The following SLC36A1 variants were observed in gnomAD, a reference collection of about 807,000 sequenced individuals.
SLC36A1 encodes the protein solute carrier family 36 member 1, also known as proton-coupled amino acid transporter 1.
A neutral mutation model predicts 47.5 loss-of-function variants in SLC36A1; 30 were observed. That is an observed-to-expected ratio of 0.63 (90% CI 0.47 to 0.86). The LOEUF is 0.86. Among genes scored for constraint, SLC36A1 ranks in the 40% least tolerant of loss-of-function variants. SLC36A1 has a pLI of 0.00. For missense variants in SLC36A1, 517 were observed against 606.0 expected (o/e 0.85, Z 1.54); for synonymous variants, 255 against 249.7 (o/e 1.02, Z -0.20).
At chr5:151,527,979 C>T in the SLC36A1 span, 5 of 1,613,028 alleles carry the variant, frequency 3.1e-6, no homozygotes, top group African/African-American at 5.3e-5. Flanking sequence ...AGGGTGCGCC[C>T]CTCCCACATG....
At chr5:151,345,089 A>G in the SLC36A1 span, among the ~76,000 whole-genome samples, 1 of 152,204 alleles carries the variant, frequency 6.6e-6, no homozygotes, top group Non-Finnish European at 1.5e-5. Flanking sequence ...CAAAGTCTAA[A>G]CCATCAGGAG....
chr5:151,420,940 T>C, the SLC36A1 span, among the ~76,000 whole-genome samples: 8 of 150,616 alleles, frequency 5.3e-5, no homozygotes. Context: ...GCACGATCTC[T>C]GTGCATTGCA....
the SLC36A1 span, chr5:151,532,050 G>T: frequency 6.4e-7 from 1 of 1,550,642 alleles, no homozygotes; most frequent in South Asian, 1.2e-5. Flanking sequence ...GCAGCCACAG[G>T]AGGGGCTGGG....
At chr5:151,344,706 G>A in the SLC36A1 span, among the ~76,000 whole-genome samples, 2 of 152,158 alleles carry the variant, frequency 1.3e-5, no homozygotes, top group South Asian at 4.1e-4. Context: ...CTTCTGCTGA[G>A]CTGCCTCCCA....
intron 1 of SLC36A1, among the ~76,000 whole-genome samples, chr5:151,454,461 T>C (rs182225203): frequency 1.3e-5 from 2 of 152,220 alleles, no homozygotes; most frequent in Admixed American, 6.5e-5. Flanking sequence ...GGGGAGTGGC[T>C]CTGCCCACTG....
the SLC36A1 span, among the ~76,000 whole-genome samples, chr5:151,514,153 A>G: frequency 6.6e-6 from 1 of 152,208 alleles, no homozygotes; most frequent in Admixed American, 6.5e-5. Flanking sequence ...AATACTACCT[A>G]TACCTTTATT....
intron 1 of SLC36A1, among the ~76,000 whole-genome samples, chr5:151,452,180 C>T (rs921404678): frequency 1.3e-5 from 2 of 152,200 alleles, no homozygotes; most frequent in African/African-American, 4.8e-5. Flanking sequence ...CAGACTCCTA[C>T]AGGAAAAAGT....
chr5:151,469,226 AT>A, intron 7 of SLC36A1: 1 of 700,132 alleles, frequency 1.4e-6, no homozygotes, highest in Non-Finnish European at 2.6e-6. Context: ...GCTGTATGTG[AT>A]TGGTCTGTCT....
At chr5:151,528,240 C>T in the SLC36A1 span, 7 of 1,376,624 alleles carry the variant, frequency 5.1e-6, no homozygotes, top group Non-Finnish European at 7.0e-6. Context: ...TTTGGGCTAG[C>T]AGTGCCTGGA....
chr5:151,498,313 CA>C, the SLC36A1 span, among the ~76,000 whole-genome samples: 3 of 152,182 alleles, frequency 2.0e-5, no homozygotes, highest in African/African-American at 7.2e-5. Flanking sequence ...GGATACTACA[CA>C]ATGAGCTGCT....
upstream of SLC36A1, among the ~76,000 whole-genome samples, chr5:151,444,906 T>C (rs1411319505): frequency 6.6e-6 from 1 of 152,254 alleles, no homozygotes; most frequent in East Asian, 1.9e-4. Context: ...ATAATTTTAC[T>C]TTTTTCTTTC....
At chr5:151,391,354 C>T in the SLC36A1 span, among the ~76,000 whole-genome samples, 1 of 152,180 alleles carries the variant, frequency 6.6e-6, no homozygotes, top group African/African-American at 2.4e-5. Context: ...CAAACAGGGA[C>T]AATTTGACTT....
chr5:151,525,811 C>T, the SLC36A1 span: 2 of 1,614,168 alleles, frequency 1.2e-6, no homozygotes, highest in Non-Finnish European at 1.7e-6. Context: ...CCTGCTTAGG[C>T]CCTCAGCAGT....
chr5:151,372,017 G>T, the SLC36A1 span, among the ~76,000 whole-genome samples: 1 of 152,218 alleles, frequency 6.6e-6, no homozygotes, highest in East Asian at 1.9e-4. Flanking sequence ...GCTTCCCTTT[G>T]GCCTTAGCTG....
the SLC36A1 span, chr5:151,545,707 G>A: frequency 1.6e-4 from 261 of 1,613,948 alleles, 1 homozygote; most frequent in Admixed American, 2.8e-4. Flanking sequence ...CAAGGCCTCC[G>A]GCTCCAAAAT....
the SLC36A1 span, among the ~76,000 whole-genome samples, chr5:151,407,940 A>G: frequency 6.6e-6 from 1 of 152,228 alleles, no homozygotes; most frequent in Non-Finnish European, 1.5e-5. Flanking sequence ...ATAAGCAGTG[A>G]ACATTTTGTA....
chr5:151,367,374 TCCCCAGGG>T, the SLC36A1 span, among the ~76,000 whole-genome samples: 11 of 145,458 alleles, frequency 7.6e-5, no homozygotes, highest in African/African-American at 1.0e-4. Context: ...TTTTTTTTTT[TCCCCAGGG>T]TATTAATATT....
At chr5:151,422,873 C>G in the SLC36A1 span, among the ~76,000 whole-genome samples, 1 of 152,078 alleles carries the variant, frequency 6.6e-6, no homozygotes, top group African/African-American at 2.4e-5. Context: ...ACAAGGGAGG[C>G]AGAGGTTGCA....
chr5:151,549,340 C>T, the SLC36A1 span: 1 of 1,613,870 alleles, frequency 6.2e-7, no homozygotes, highest in Non-Finnish European at 8.5e-7. Flanking sequence ...CCCCGGTCAG[C>T]ATCCATGGCT....
Sources: allele counts gnomAD v4.1 joint callset (sites outside exome capture counted in the v4.1 genomes callset), GRCh38; gene constraint gnomAD v4.1.1; transcripts MANE v1.5; gene names NCBI Gene and HGNC (gene_info 2026-07-23, HGNC 2026-07-21).